LYPD6B: variants seen among roughly 807,000 people sequenced by gnomAD.
LYPD6B encodes ly6/PLAUR domain-containing protein 6B.
LYPD6B carries 17 observed loss-of-function variants against 22.8 expected under a neutral mutation model. That is an observed-to-expected ratio of 0.75 (90% CI 0.51 to 1.12). The LOEUF is 1.12. LYPD6B is among the 50% of genes most tolerant of loss of function. The pLI, the probability that LYPD6B is intolerant of heterozygous loss-of-function variation, is 0.00. For synonymous variants in LYPD6B, 106 were observed against 91.6 expected (o/e 1.16, Z -0.90); for missense variants, 221 against 258.3 (o/e 0.86, Z 0.99).
chr2:149,179,618 A>C (rs530265686), intron 3 of LYPD6B, among the ~76,000 whole-genome samples: 1 of 152,220 alleles, frequency 6.6e-6, no homozygotes, highest in Non-Finnish European at 1.5e-5. Context: ...AGGCATTCAG[A>C]ATATCCAGGA....
chr2:149,183,488 A>G lies in LYPD6B; in HGVS notation c.78-21765A>G, dbSNP rs116609934. 1.8e-3 allele frequency among the ~76,000 whole-genome samples: 267 copies of G among 152,168 alleles called. 1 individual carries two copies. The highest frequency in any genetic ancestry group is 3.0e-3 in the Non-Finnish European group (206 of 68,004). ...ATTTGTTCTATGTGGCCAATCTACAATGTGTATAGATTTGTTTTCTGCAGA... is the reference window on the plus strand; with the variant it reads ...ATTTGTTCTATGTGGCCAATCTACAGTGTGTATAGATTTGTTTTCTGCAGA... On this transcript the variant is annotated intron_variant, in intron 3 of 6. Coordinates refer to ENST00000409642, the MANE Select transcript of LYPD6B (RefSeq NM_177964.5).
intron 2 of LYPD6B, among the ~76,000 whole-genome samples, chr2:149,150,364 C>T (rs115380852): frequency 0.022 from 3,413 of 152,228 alleles, 138 homozygotes; most frequent in African/African-American, 0.077. Flanking sequence ...TCTTCATGTG[C>T]ATCTTTTAAT....
intron 3 of LYPD6B, among the ~76,000 whole-genome samples, chr2:149,176,162 T>C (rs1490233250): frequency 6.6e-6 from 1 of 152,212 alleles, no homozygotes; most frequent in Non-Finnish European, 1.5e-5. Flanking sequence ...TGCTATGATG[T>C]TATGACTATG....
chr2:149,212,703 T>C (rs996362435), intron 5 of LYPD6B, among the ~76,000 whole-genome samples: 4 of 152,172 alleles, frequency 2.6e-5, no homozygotes, highest in African/African-American at 9.7e-5. Flanking sequence ...AGCAGACCCA[T>C]GTTTTGATAA....
At chr2:149,043,802 T>C (rs983946585) in intron 1 of LYPD6B, among the ~76,000 whole-genome samples, 2 of 152,156 alleles carry the variant, frequency 1.3e-5, no homozygotes, top group African/African-American at 4.8e-5. Context: ...TTAATTTTTG[T>C]ATAAGGGATA....
intron 2 of LYPD6B, among the ~76,000 whole-genome samples, chr2:149,145,131 C>A (rs1688938067): frequency 6.6e-6 from 1 of 152,130 alleles, no homozygotes; most frequent in African/African-American, 2.4e-5. Context: ...TTAAATTAGG[C>A]TTCTTGGAAT....
chr2:149,043,632 T>A (rs1013850497), intron 1 of LYPD6B, among the ~76,000 whole-genome samples: 1 of 152,122 alleles, frequency 6.6e-6, no homozygotes, highest in African/African-American at 2.4e-5. Context: ...GAGCAAAAGT[T>A]TTAATTTTGA....
intron 1 of LYPD6B, among the ~76,000 whole-genome samples, chr2:149,071,057 G>T (rs530060386): frequency 6.6e-6 from 1 of 152,268 alleles, no homozygotes; most frequent in African/African-American, 2.4e-5. Context: ...ATAGGTGAGG[G>T]GCTAGGAGGA....
At chr2:149,181,348 C>T (rs561934192) in intron 3 of LYPD6B, among the ~76,000 whole-genome samples, 9 of 151,158 alleles carry the variant, frequency 6.0e-5, no homozygotes, top group African/African-American at 2.2e-4. Context: ...AGTTTGTAAA[C>T]ACCAAATCCC....
chr2:149,201,066 A>T (rs1390624044), intron 3 of LYPD6B, among the ~76,000 whole-genome samples: 1 of 152,222 alleles, frequency 6.6e-6, no homozygotes, highest in Non-Finnish European at 1.5e-5. Context: ...TCTATGTGGA[A>T]CTTTTTCCCT....
chr2:149,076,509 T>C (rs919504229), intron 1 of LYPD6B, among the ~76,000 whole-genome samples: 1 of 152,126 alleles, frequency 6.6e-6, no homozygotes, highest in African/African-American at 2.4e-5. Context: ...CTGTAATTCA[T>C]AATAAAGAAA....
chr2:149,151,644 G>A (rs1436695287), intron 2 of LYPD6B, among the ~76,000 whole-genome samples: 3 of 152,196 alleles, frequency 2.0e-5, no homozygotes, highest in African/African-American at 7.2e-5. Flanking sequence ...TATAGAACAA[G>A]TTAGCTTGCT....
intron 3 of LYPD6B, among the ~76,000 whole-genome samples, chr2:149,172,265 C>T (rs556467009): frequency 2.0e-5 from 3 of 152,246 alleles, no homozygotes; most frequent in African/African-American, 4.8e-5. Context: ...TAGCCACCCC[C>T]GTGATTCAAT....
At chr2:149,205,429 A>G in intron 4 of LYPD6B, 25 bp downstream of exon 4, 4 of 1,611,204 alleles carry the variant, frequency 2.5e-6, no homozygotes, top group African/African-American at 1.3e-5. Flanking sequence ...TTGCCATCCT[A>G]GTTCATGGCT....
chr2:149,086,383 C>T (rs1054477195), intron 1 of LYPD6B, among the ~76,000 whole-genome samples: 3 of 152,218 alleles, frequency 2.0e-5, no homozygotes, highest in African/African-American at 7.2e-5. Flanking sequence ...CTCCCCAGTC[C>T]TCATCCTGCT....
At chr2:149,152,538 G>A (rs1396656841) in intron 2 of LYPD6B, among the ~76,000 whole-genome samples, 3 of 152,204 alleles carry the variant, frequency 2.0e-5, no homozygotes, top group Non-Finnish European at 2.9e-5. Flanking sequence ...TACAGACGTA[G>A]GGCATCCTTA....
chr2:149,194,949 C>T (rs1022824223), intron 3 of LYPD6B, among the ~76,000 whole-genome samples: 1 of 152,092 alleles, frequency 6.6e-6, no homozygotes, highest in Admixed American at 6.5e-5. Flanking sequence ...TGTACTAGGC[C>T]GTTGTTGAAC....
intron 1 of LYPD6B, among the ~76,000 whole-genome samples, chr2:149,128,005 T>TA (rs941694076): frequency 6.4e-5 from 9 of 139,612 alleles, no homozygotes; most frequent in Admixed American, 1.4e-4. Context: ...TTTTTTTTTT[T>TA]AAAAAAGAAA....
chr2:149,087,834 C>G (rs1159161065), intron 1 of LYPD6B, among the ~76,000 whole-genome samples: 1 of 152,186 alleles, frequency 6.6e-6, no homozygotes, highest in Non-Finnish European at 1.5e-5. Flanking sequence ...CCTATGTAAA[C>G]AGAGTCCAGG....
Sources: allele counts gnomAD v4.1 joint callset (sites outside exome capture counted in the v4.1 genomes callset), GRCh38; gene constraint gnomAD v4.1.1; transcripts MANE v1.5; gene names NCBI Gene and HGNC (gene_info 2026-07-23, HGNC 2026-07-21).